Variants in FBXL17 observed in about 807,000 individuals in gnomAD.
FBXL17 encodes F-box/LRR-repeat protein 17.
Under a neutral mutation model 66.2 loss-of-function variants are expected in FBXL17, and 22 were observed. That is an observed-to-expected ratio of 0.33 (90% CI 0.24 to 0.47). The LOEUF is 0.47. Ranked by LOEUF, FBXL17 falls within the 20% of genes least tolerant of loss-of-function variation. The pLI is 1.00. For missense variants in FBXL17, 878 were observed against 948.2 expected, an observed-to-expected ratio of 0.93 and a Z score of 0.97; for synonymous variants, 474 against 400.5, an observed-to-expected ratio of 1.18 and a Z score of -2.19.
At chr5:108,263,876 T>A (rs2150129017) in intron 4 of FBXL17, among the ~76,000 whole-genome samples, 1 of 152,300 alleles carries the variant, frequency 6.6e-6, no homozygotes, top group South Asian at 2.1e-4. Context: ...CCCAATATGA[T>A]CAGCAAATTT....
intron 6 of FBXL17, among the ~76,000 whole-genome samples, chr5:108,144,837 C>T (rs775293144): frequency 6.6e-6 from 1 of 151,932 alleles, no homozygotes; most frequent in Non-Finnish European, 1.5e-5. Context: ...TAAAATAGAG[C>T]TCATGACTCT....
chr5:107,924,397 A>T (rs1035792957), intron 7 of FBXL17, among the ~76,000 whole-genome samples: 1 of 152,190 alleles, frequency 6.6e-6, no homozygotes, highest in Non-Finnish European at 1.5e-5. Flanking sequence ...TATTTATTAC[A>T]TGTAACTGGG....
In FBXL17 at chr5:108,154,648, CATAT is replaced by C. The variant is rs202122522; in HGVS notation, c.1745+31465_1745+31468del. 1.5e-4 allele frequency among the ~76,000 whole-genome samples: 18 copies of C among 116,192 alleles called. 1 individual carries two copies. Among genetic ancestry groups the C allele is most frequent in the African/African-American group, 5.1e-4 (14 of 27,676 alleles). 76.2% of individuals were successfully genotyped at this position (116,192 alleles called of 152,430 possible). On this transcript the variant is annotated intron_variant, in intron 6 of 8. Transcript: ENST00000542267. ...ACACACACACACACACACACACACA[CATAT>C]ATGTATATACATATATATGTGTATA...
chr5:107,971,133 C>T (rs145883607), intron 7 of FBXL17, among the ~76,000 whole-genome samples: 1 of 152,134 alleles, frequency 6.6e-6, no homozygotes, highest in African/African-American at 2.4e-5. Context: ...ATTACATTTG[C>T]TTACCGTTTC....
intron 7 of FBXL17, among the ~76,000 whole-genome samples, chr5:107,967,300 T>C (rs1337431704): frequency 2.0e-5 from 3 of 151,964 alleles, no homozygotes; most frequent in Non-Finnish European, 4.4e-5. Flanking sequence ...ATTCTTGTGG[T>C]GACAGTAAGT....
chr5:108,052,114 A>G (rs78634864), intron 6 of FBXL17, among the ~76,000 whole-genome samples: 12,021 of 98,402 alleles, frequency 0.12, 468 homozygotes, highest in East Asian at 0.16. Flanking sequence ...CTTCGTCTCA[A>G]AAAAAAAAAA....
intron 7 of FBXL17, among the ~76,000 whole-genome samples, chr5:107,918,634 A>C (rs1163444760): frequency 6.6e-6 from 1 of 152,212 alleles, no homozygotes; most frequent in African/African-American, 2.4e-5. Context: ...ATGTTGAAAT[A>C]TTTATATATA....
At chr5:107,930,982 A>C (rs1471784845) in intron 7 of FBXL17, among the ~76,000 whole-genome samples, 2 of 64,074 alleles carry the variant, frequency 3.1e-5, no homozygotes, top group Non-Finnish European at 6.2e-5. Flanking sequence ...GATAAAAAGT[A>C]AATAAAGACA....
At chr5:108,036,405 T>A (rs1189929923) in intron 6 of FBXL17, among the ~76,000 whole-genome samples, 3 of 152,194 alleles carry the variant, frequency 2.0e-5, no homozygotes, top group Non-Finnish European at 2.9e-5. Flanking sequence ...TACCTTTAGA[T>A]CAGATGTGCA....
intron 6 of FBXL17, among the ~76,000 whole-genome samples, chr5:108,098,859 T>C (rs1749491124): frequency 1.3e-5 from 2 of 152,030 alleles, no homozygotes; most frequent in Non-Finnish European, 2.9e-5. Flanking sequence ...ACTGTAAACA[T>C]GAATATATCA....
At chr5:108,009,261 T>TTATA (rs375853217) in intron 7 of FBXL17, among the ~76,000 whole-genome samples, 414 of 20,666 alleles carry the variant, frequency 0.02, 7 homozygotes, top group Middle Eastern at 0.031. Context: ...GTTCCCTGTT[T>TTATA]TATATATATA....
chr5:107,958,017 T>A (rs1387509218), intron 7 of FBXL17, among the ~76,000 whole-genome samples: 1 of 152,088 alleles, frequency 6.6e-6, no homozygotes, highest in East Asian at 1.9e-4. Context: ...TCGTTAATTG[T>A]TGACACGGCA....
chr5:107,896,346 G>A (rs1483288851), intron 7 of FBXL17, among the ~76,000 whole-genome samples: 2 of 152,058 alleles, frequency 1.3e-5, no homozygotes, highest in African/African-American at 4.8e-5. Flanking sequence ...ATGAGTAAAA[G>A]AAAGTCCTTG....
chr5:107,939,821 T>C (rs1156956774), intron 7 of FBXL17, among the ~76,000 whole-genome samples: 1 of 152,152 alleles, frequency 6.6e-6, no homozygotes, highest in Non-Finnish European at 1.5e-5. Context: ...GATTAGTCAA[T>C]GAAGGCCCTG....
At chr5:108,075,998 T>C (rs1351261774) in intron 6 of FBXL17, among the ~76,000 whole-genome samples, 2 of 152,222 alleles carry the variant, frequency 1.3e-5, no homozygotes, top group East Asian at 3.8e-4. Context: ...CCAATAATTG[T>C]AGTAATCTTT....
chr5:108,091,583 T>C (rs1470645000), intron 6 of FBXL17, among the ~76,000 whole-genome samples: 1 of 152,224 alleles, frequency 6.6e-6, no homozygotes, highest in South Asian at 2.1e-4. Context: ...CTGTTTGTTT[T>C]ATATGAACCT....
intron 6 of FBXL17, among the ~76,000 whole-genome samples, chr5:108,080,417 T>C (rs1748717038): frequency 6.6e-6 from 1 of 152,232 alleles, no homozygotes; most frequent in Admixed American, 6.5e-5. Flanking sequence ...TCATGCACTT[T>C]GTTAGTAGAG....
intron 4 of FBXL17, among the ~76,000 whole-genome samples, chr5:108,330,803 A>G (rs994679484): frequency 6.6e-6 from 1 of 152,090 alleles, no homozygotes; most frequent in Non-Finnish European, 1.5e-5. Context: ...TGCCCACATG[A>G]GCTTTCCACT....
chr5:108,106,133 C>T (rs1749786724), intron 6 of FBXL17, among the ~76,000 whole-genome samples: 1 of 152,134 alleles, frequency 6.6e-6, no homozygotes, highest in Non-Finnish European at 1.5e-5. Context: ...TTCTACCATA[C>T]CAGAGGTACC....
Sources: allele counts gnomAD v4.1 joint callset (sites outside exome capture counted in the v4.1 genomes callset), GRCh38; gene constraint gnomAD v4.1.1; transcripts MANE v1.5; gene names NCBI Gene and HGNC (gene_info 2026-07-23, HGNC 2026-07-21).